The following CFAP221 variants were observed in gnomAD, a reference collection of about 807,000 sequenced individuals.
CFAP221 encodes the protein cilia- and flagella-associated protein 221.
A neutral mutation model predicts 113.1 loss-of-function variants in CFAP221; 97 were observed. That is an observed-to-expected ratio of 0.86 (90% confidence interval 0.73 to 1.02). The LOEUF is 1.02. Among genes scored for constraint, CFAP221 ranks in the 50% least tolerant of loss-of-function variants. The pLI is 0.00. For synonymous variants in CFAP221, 331 were observed against 354.4 expected (o/e 0.93, Z 0.74); for missense variants, 1,025 against 1,013.4 (o/e 1.01, Z -0.16).
intron 19 of CFAP221, among the ~76,000 whole-genome samples, chr2:119,635,820 G>A (rs1345086255): frequency 1.3e-5 from 2 of 152,180 alleles, no homozygotes. Flanking sequence ...CTGGAGGAGG[G>A]AGGGTAAAGG....
chr2:119,596,846 C>G (rs1045645188), intron 7 of CFAP221, among the ~76,000 whole-genome samples: 3 of 152,112 alleles, frequency 2.0e-5, no homozygotes, highest in Admixed American at 1.3e-4. Flanking sequence ...AATGTCCAGG[C>G]CTGTGTTTTA....
chr2:119,638,119 C>A, intron 19 of CFAP221, 140 bp from the exon 20 acceptor site: 1 of 786,326 alleles, frequency 1.3e-6, no homozygotes, highest in Non-Finnish European at 1.9e-6. Context: ...TCTCCTGCTT[C>A]TCTTTTCCAG....
At chr2:119,639,330 C>G (rs1486126313) in intron 20 of CFAP221, among the ~76,000 whole-genome samples, 1 of 152,222 alleles carries the variant, frequency 6.6e-6, no homozygotes, top group Non-Finnish European at 1.5e-5. Flanking sequence ...ACATTCCCTT[C>G]TGCCTCTATC....
intron 15 of CFAP221, 170 bp downstream of exon 15, chr2:119,625,858 T>A: frequency 1.7e-6 from 1 of 599,392 alleles, no homozygotes; most frequent in Non-Finnish European, 2.9e-6. Context: ...CTTCCTCTTG[T>A]CACCAGAGAC....
At chr2:119,659,081 C>T (rs184730809), downstream of CFAP221, among the ~76,000 whole-genome samples, 18 of 152,030 alleles carry the variant, frequency 1.2e-4, no homozygotes, top group East Asian at 1.7e-3. Flanking sequence ...TTTGGCCTTC[C>T]TCCTTTCCTT....
chr2:119,650,288 C>T (rs905221341), intron 22 of CFAP221, among the ~76,000 whole-genome samples: 2 of 152,162 alleles, frequency 1.3e-5, no homozygotes, highest in Non-Finnish European at 1.5e-5. Flanking sequence ...TTGACAATAC[C>T]TGAGCTTCTA....
chr2:119,572,600 G>C lies in CFAP221; in HGVS notation c.527+10486G>C, dbSNP rs1682144042. On this transcript the variant is annotated intron_variant, in intron 6 of 23. Coordinates refer to ENST00000413369, the MANE Select transcript of CFAP221 (RefSeq NM_001271049.2). ...GTTGAAACTTGGAGCAGGTCCAGTT[G>C]GTTGACCAGTTGCTCTCCCATCAAC... is the stretch of plus-strand genomic sequence containing the variant. 4.3e-6 allele frequency: 3 copies of C among 698,542 alleles called. 1 individual carries two copies. Among genetic ancestry groups the C allele is most frequent in the South Asian group, 3.0e-5 (2 of 66,914 alleles). 43.3% of individuals were successfully genotyped at this position (698,542 alleles called of 1,614,324 possible).
intron 11 of CFAP221, 37 bp downstream of exon 11, chr2:119,605,326 A>G (rs747633045): frequency 1.2e-5 from 17 of 1,457,524 alleles, no homozygotes; most frequent in Admixed American, 8.5e-5. Flanking sequence ...AAGTGTCAGT[A>G]CAGTTATTTT....
At chr2:119,645,693 G>A (rs1687761740) in intron 21 of CFAP221, among the ~76,000 whole-genome samples, 1 of 152,002 alleles carries the variant, frequency 6.6e-6, no homozygotes, top group Non-Finnish European at 1.5e-5. Context: ...ACACACAAAG[G>A]AGCCATCAAT....
intron 7 of CFAP221, chr2:119,589,810 G>A (rs1683473094): frequency 6.6e-6 from 1 of 152,214 alleles, no homozygotes. Flanking sequence ...AGATATTCCT[G>A]AGGCTGGAGA....
rs866179796 is a variant in CFAP221, at chr2:119,638,051, G to A, written c.1975-208G>A. On this transcript the variant is annotated intron_variant, in intron 19 of 23. Transcript: ENST00000413369. The stretch of plus-strand genomic sequence containing the variant: ...GTAATGAAGCTCTTAAGCCAGAAAA[G>A]TGACATTTATGAATGACTATGATTT... The A allele has an allele frequency of 1.3e-4, 49 of 389,720 alleles. No homozygotes were observed. In the Middle Eastern group the frequency reaches 1.8e-3, roughly 15 times the overall value. 24.1% of individuals were successfully genotyped at this position (389,720 alleles called of 1,614,324 possible).
At chr2:119,547,572 TAATC>T (rs1351960885) in intron 2 of CFAP221, among the ~76,000 whole-genome samples, 3 of 152,062 alleles carry the variant, frequency 2.0e-5, no homozygotes, top group Admixed American at 6.6e-5. Flanking sequence ...CAAAAAAAGA[TAATC>T]AATCAATAAA....
At chr2:119,554,822 A>T (rs2105026463) in intron 3 of CFAP221, among the ~76,000 whole-genome samples, 1 of 152,342 alleles carries the variant, frequency 6.6e-6, no homozygotes, top group Admixed American at 6.5e-5. Context: ...AAACGCTTTA[A>T]AGAACTTATA....
chr2:119,546,975 C>CA (rs1297530681), intron 2 of CFAP221, among the ~76,000 whole-genome samples: 1 of 152,148 alleles, frequency 6.6e-6, no homozygotes, highest in Non-Finnish European at 1.5e-5. Flanking sequence ...AGGTGAAACT[C>CA]AAAGAGACCA....
rs1332022210 is a variant in CFAP221 at position 119,627,765 on chromosome 2, A to G, written c.1629A>G (p.Pro543=). Residue 543 remains proline (P), a synonymous_variant, in exon 16 of 24, where the codon CCA becomes CCG. Coordinates refer to ENST00000413369, the MANE Select transcript of CFAP221 (RefSeq NM_001271049.2). ...VLPFAFPDCS[P]PQDSNELAPD... The stretch of plus-strand genomic sequence containing the variant: ...CCTTCGCTTTCCCAGACTGCAGCCC[A>G]CCCCAGGACTCCAACGAGTTGGTAG... The G allele has an allele frequency of 2.5e-6, 4 of 1,613,354 alleles. No individual in the cohort carries two copies. Among genetic ancestry groups the G allele is most frequent in the African/African-American group, 1.3e-5 (1 of 74,726 alleles).
chr2:119,611,005 TGAAG>T (rs929166872), intron 12 of CFAP221, among the ~76,000 whole-genome samples: 5 of 151,756 alleles, frequency 3.3e-5, no homozygotes, highest in African/African-American at 1.2e-4. Context: ...AGCAGGCAGG[TGAAG>T]GAAGGAGAGC....
At chr2:119,582,970 C>T (rs1340520236) in intron 6 of CFAP221, among the ~76,000 whole-genome samples, 2 of 152,056 alleles carry the variant, frequency 1.3e-5, no homozygotes, top group Non-Finnish European at 2.9e-5. Context: ...TTAATTGTAA[C>T]AAATGAAAAC....
At chr2:119,573,880 A>G (rs1485946147) in intron 6 of CFAP221, among the ~76,000 whole-genome samples, 5 of 152,184 alleles carry the variant, frequency 3.3e-5, no homozygotes, top group African/African-American at 9.7e-5. Flanking sequence ...CCTCTAAACT[A>G]TAGGGATCTG....
chr2:119,619,592 C>T (rs1249465381), intron 14 of CFAP221, among the ~76,000 whole-genome samples: 3 of 152,206 alleles, frequency 2.0e-5, no homozygotes, highest in Non-Finnish European at 4.4e-5. Context: ...AGGTCACCAA[C>T]ATCCAAGACC....
Sources: gnomAD v4.1 joint callset for allele counts (sites outside exome capture counted in the v4.1 genomes callset) on GRCh38, gnomAD v4.1.1 for gene constraint, MANE v1.5 for transcripts, NCBI Gene and HGNC (gene_info 2026-07-23, HGNC 2026-07-21) for gene names.